ZNF292: variants seen among roughly 807,000 people sequenced by gnomAD.
ZNF292 encodes 16 zinc-finger domain protein.
A neutral mutation model predicts 217.9 loss-of-function variants in ZNF292; 26 were observed. The observed-to-expected ratio is 0.12, with a 90% CI of 0.09 to 0.17. The LOEUF (loss-of-function observed/expected upper bound fraction) is 0.17, where lower values mean the gene tolerates loss of function less well. ZNF292 is among the 10% of genes least tolerant of loss of function. ZNF292 has a pLI of 1.00. For missense variants in ZNF292, 2,904 were observed against 3,175.2 expected (o/e 0.91, Z 2.05); for synonymous variants, 1,257 against 1,124.1 (o/e 1.12, Z -2.37).
intron 1 of ZNF292, among the ~76,000 whole-genome samples, chr6:87,196,866 A>G (rs959841917): frequency 6.6e-6 from 1 of 152,246 alleles, no homozygotes; most frequent in African/African-American, 2.4e-5. Context: ...GACATATTTC[A>G]TAATATAAAA....
chr6:87,184,294 T>G (rs1478132602), intron 1 of ZNF292, among the ~76,000 whole-genome samples: 1 of 152,216 alleles, frequency 6.6e-6, no homozygotes, highest in African/African-American at 2.4e-5. Flanking sequence ...CTGTGAACTT[T>G]TGGAGAGTGG....
chr6:87,185,071 G>A (rs528818716), intron 1 of ZNF292, among the ~76,000 whole-genome samples: 92 of 152,238 alleles, frequency 6.0e-4, no homozygotes, highest in African/African-American at 2.2e-3. Context: ...AGGTTTTTAG[G>A]TATTCCTTAA....
chr6:87,156,339 C>T (rs1292247640), intron 1 of ZNF292, among the ~76,000 whole-genome samples: 1 of 152,216 alleles, frequency 6.6e-6, no homozygotes, highest in African/African-American at 2.4e-5. Context: ...CCGCCGACCC[C>T]TTCTAGTTGA....
intron 1 of ZNF292, among the ~76,000 whole-genome samples, chr6:87,207,265 C>T (rs1772286142): frequency 6.6e-6 from 1 of 152,156 alleles, no homozygotes; most frequent in Non-Finnish European, 1.5e-5. Context: ...CTTTTTTAAG[C>T]TGTAACAGAA....
chr6:87,245,189 G>A (rs535153450), intron 6 of ZNF292, among the ~76,000 whole-genome samples: 3 of 152,154 alleles, frequency 2.0e-5, no homozygotes, highest in African/African-American at 4.8e-5. Context: ...GCAGTGAGCC[G>A]AGATTGCGTC....
intron 1 of ZNF292, among the ~76,000 whole-genome samples, chr6:87,209,104 A>ATCCCCC (rs1772370238): frequency 7.3e-6 from 1 of 137,306 alleles, no homozygotes; most frequent in African/African-American, 3.0e-5. Context: ...CCCCACTTTC[A>ATCCCCC]CCCCCCCCTC....
chr6:87,181,435 T>G (rs1468117977), intron 1 of ZNF292, among the ~76,000 whole-genome samples: 2 of 152,086 alleles, frequency 1.3e-5, no homozygotes, highest in Admixed American at 6.6e-5. Flanking sequence ...CTCTTGACAT[T>G]CAGCAGTTTG....
intron 7 of ZNF292, among the ~76,000 whole-genome samples, chr6:87,246,001 G>A (rs1774559741): frequency 1.3e-5 from 2 of 152,252 alleles, no homozygotes; most frequent in African/African-American, 4.8e-5. Flanking sequence ...GGGAGGCCAA[G>A]GCAGGCAGAT....
intron 1 of ZNF292, among the ~76,000 whole-genome samples, chr6:87,197,587 A>C (rs1771987599): frequency 6.7e-6 from 1 of 148,988 alleles, no homozygotes; most frequent in East Asian, 1.9e-4. Flanking sequence ...ATAAAAAAAA[A>C]TTAGCTGAGC....
At chr6:87,161,361 A>C (rs1409808962) in intron 1 of ZNF292, among the ~76,000 whole-genome samples, 1 of 152,236 alleles carries the variant, frequency 6.6e-6, no homozygotes, top group Non-Finnish European at 1.5e-5. Flanking sequence ...TTTAAATATC[A>C]CTTCAAAATG....
chr6:87,186,517 C>T (rs1196521066), intron 1 of ZNF292, among the ~76,000 whole-genome samples: 1 of 152,176 alleles, frequency 6.6e-6, no homozygotes, highest in Admixed American at 6.5e-5. Flanking sequence ...CTAAAGAAAA[C>T]AATATGAACT....
intron 1 of ZNF292, among the ~76,000 whole-genome samples, chr6:87,156,472 ATC>A (rs1302719990): frequency 6.6e-6 from 1 of 152,198 alleles, no homozygotes; most frequent in Non-Finnish European, 1.5e-5. Flanking sequence ...GTGCCTGTAC[ATC>A]TGTCTCAGGT....
rs752128406 is a variant in ZNF292 at position 87,256,038 on chromosome 6, T to C, written c.2409T>C (p.His803=). 9.9e-6 allele frequency: 16 copies of C among 1,608,856 alleles called. No homozygotes were observed. The South Asian group carries it at 1.7e-4, about 17-fold the overall frequency. The change falls in exon 8 of 8, where the codon CAT becomes CAC. Residue 803 remains histidine, a synonymous_variant. Coordinates refer to ENST00000369577, the MANE Select transcript of ZNF292 (RefSeq NM_015021.3). ...AYLLYDHEAQ[H]YNTYTCKFTG... is the part of the protein sequence containing the mutation. ...TACTATATGATCATGAAGCACAACATTATAATACGTACACTTGTAAGTTCA... is the reference window on the plus strand; with the variant it reads ...TACTATATGATCATGAAGCACAACACTATAATACGTACACTTGTAAGTTCA...
intron 5 of ZNF292, among the ~76,000 whole-genome samples, chr6:87,237,056 A>C (rs1158046352): frequency 6.6e-6 from 1 of 152,212 alleles, no homozygotes; most frequent in Admixed American, 6.5e-5. Flanking sequence ...GATTATGGCA[A>C]TTTATGTTTC....
intron 1 of ZNF292, among the ~76,000 whole-genome samples, chr6:87,191,897 G>A (rs1771831821): frequency 6.6e-6 from 1 of 152,136 alleles, no homozygotes; most frequent in African/African-American, 2.4e-5. Flanking sequence ...CCTGACCTCA[G>A]ATGATCCACC....
At chr6:87,231,427 G>A (rs902136493) in intron 4 of ZNF292, among the ~76,000 whole-genome samples, 5 of 152,142 alleles carry the variant, frequency 3.3e-5, no homozygotes, top group African/African-American at 9.7e-5. Flanking sequence ...ATGTCCCTAG[G>A]AAGTCACTTG....
At chr6:87,159,958 T>C (rs1770677374) in intron 1 of ZNF292, among the ~76,000 whole-genome samples, 1 of 152,234 alleles carries the variant, frequency 6.6e-6, no homozygotes, top group African/African-American at 2.4e-5. Flanking sequence ...CATTTACTTG[T>C]TTTAGGATTA....
At chr6:87,160,559 G>C (rs1224682737) in intron 1 of ZNF292, among the ~76,000 whole-genome samples, 1 of 150,506 alleles carries the variant, frequency 6.6e-6, no homozygotes, top group Non-Finnish European at 1.5e-5. Flanking sequence ...GAGGATATAA[G>C]ATACAGGAGA....
chr6:87,182,221 C>T (rs1480366192), intron 1 of ZNF292, among the ~76,000 whole-genome samples: 2 of 152,074 alleles, frequency 1.3e-5, no homozygotes, highest in African/African-American at 2.4e-5. Context: ...TCAAAGTCAT[C>T]GATCCCAAAA....
Sources: gnomAD v4.1 joint callset for allele counts (sites outside exome capture counted in the v4.1 genomes callset) on GRCh38, gnomAD v4.1.1 for gene constraint, MANE v1.5 for transcripts, NCBI Gene and HGNC (gene_info 2026-07-23, HGNC 2026-07-21) for gene names.